The following SEPTIN7 variants were observed in gnomAD, a reference collection of about 807,000 sequenced individuals.
SEPTIN7 encodes septin-7.
In SEPTIN7, 10 loss-of-function variants were observed where a neutral mutation model predicts 63.3. That is an observed-to-expected ratio of 0.16 (90% confidence interval 0.10 to 0.27). The LOEUF is 0.27. Ranked by LOEUF, SEPTIN7 falls within the 10% of genes least tolerant of loss-of-function variation. The pLI is 1.00. For missense variants in SEPTIN7, 310 were observed against 521.0 expected, an observed-to-expected ratio of 0.59 and a Z score of 3.94; for synonymous variants, 131 against 165.3, an observed-to-expected ratio of 0.79 and a Z score of 1.59.
At chr7:35,876,661 C>T (rs1464694459) in intron 6 of SEPTIN7, among the ~76,000 whole-genome samples, 2 of 152,058 alleles carry the variant, frequency 1.3e-5, no homozygotes, top group East Asian at 3.9e-4. Context: ...GATCCCATCT[C>T]TACAAAAAAT....
chr7:35,827,484 C>T (rs1164362186), intron 1 of SEPTIN7, among the ~76,000 whole-genome samples: 1 of 151,906 alleles, frequency 6.6e-6, no homozygotes, highest in Non-Finnish European at 1.5e-5. Flanking sequence ...TTTAATCGAC[C>T]AGTATTAAAT....
chr7:35,875,893 G>A (rs1332414264), intron 6 of SEPTIN7, among the ~76,000 whole-genome samples: 2 of 152,188 alleles, frequency 1.3e-5, no homozygotes, highest in Non-Finnish European at 1.5e-5. Flanking sequence ...TTCTAGAAAC[G>A]ATAAAGGATT....
chr7:35,806,554 GA>G (rs1446985725), intron 1 of SEPTIN7, among the ~76,000 whole-genome samples: 3 of 152,010 alleles, frequency 2.0e-5, no homozygotes, highest in East Asian at 1.9e-4. Flanking sequence ...TGCTTTCATA[GA>G]AAAAAATACG....
At chr7:35,834,800 A>G (rs1784000312) in intron 3 of SEPTIN7, among the ~76,000 whole-genome samples, 1 of 152,110 alleles carries the variant, frequency 6.6e-6, no homozygotes, top group Non-Finnish European at 1.5e-5. Context: ...AAATCATAGA[A>G]AGCTGAAACC....
intron 1 of SEPTIN7, chr7:35,803,205 A>G: frequency 1.2e-6 from 1 of 826,402 alleles, no homozygotes; most frequent in Non-Finnish European, 1.5e-6. Context: ...AATACATGAA[A>G]GGTAGTGTTA....
At chr7:35,861,174 A>G (rs1287176961) in intron 3 of SEPTIN7, among the ~76,000 whole-genome samples, 1 of 151,960 alleles carries the variant, frequency 6.6e-6, no homozygotes, top group East Asian at 1.9e-4. Context: ...CTTTATTGAT[A>G]TTCTCATTTT....
chr7:35,833,404 C>G (rs1447728518), intron 3 of SEPTIN7, among the ~76,000 whole-genome samples: 3 of 151,980 alleles, frequency 2.0e-5, no homozygotes, highest in Non-Finnish European at 4.4e-5. Context: ...TTCTCTAATT[C>G]AGTCTGAGTT....
At position 35,848,905 on chromosome 7, in the gene SEPTIN7, G is replaced by T. The variant is rs148292744; in HGVS notation, c.170-14647G>T. On this transcript the variant is annotated intron_variant, in intron 3 of 13. Coordinates refer to ENST00000350320, the MANE Select transcript of SEPTIN7 (RefSeq NM_001788.6). The stretch of plus-strand genomic sequence containing the variant: ...GAAAGATCCTAACATACCTCTTAGC[G>T]CCTCCCAGCCTCAGACGTGTAGCAA... 6.6e-3 allele frequency among the ~76,000 whole-genome samples: 998 copies of T among 152,204 alleles called. 14 individuals carry two copies. The highest frequency in any genetic ancestry group is 0.023 in the African/African-American group (957 of 41,532).
intron 10 of SEPTIN7, among the ~76,000 whole-genome samples, chr7:35,886,926 T>C (rs1327042232): frequency 6.6e-6 from 1 of 152,180 alleles, no homozygotes; most frequent in Admixed American, 6.5e-5. Flanking sequence ...ATGTAATTGA[T>C]CTTTATTTTC....
intron 4 of SEPTIN7, among the ~76,000 whole-genome samples, chr7:35,870,211 A>G (rs542970895): frequency 6.6e-6 from 1 of 152,342 alleles, no homozygotes; most frequent in Non-Finnish European, 1.5e-5. Flanking sequence ...CTTTATAAAC[A>G]TTCCTTAAAG....
intron 1 of SEPTIN7, among the ~76,000 whole-genome samples, chr7:35,820,019 C>G (rs1315895675): frequency 6.6e-6 from 1 of 151,446 alleles, no homozygotes; most frequent in Non-Finnish European, 1.5e-5. Context: ...CACTCTCACT[C>G]AGGCTGGAGT....
chr7:35,822,053 G>T (rs191811495), intron 1 of SEPTIN7, among the ~76,000 whole-genome samples: 1 of 152,162 alleles, frequency 6.6e-6, no homozygotes, highest in East Asian at 1.9e-4. Flanking sequence ...GGGATTACAG[G>T]CGTGAGCCAC....
At chr7:35,853,481 C>G (rs1562550488) in intron 3 of SEPTIN7, among the ~76,000 whole-genome samples, 4 of 152,238 alleles carry the variant, frequency 2.6e-5, no homozygotes, top group Non-Finnish European at 5.9e-5. Flanking sequence ...GTTCCTTTCG[C>G]CTGCTCAGAG....
intron 9 of SEPTIN7, 27 bp from the exon 10 acceptor site, chr7:35,885,796 TATAAC>T: frequency 6.5e-7 from 1 of 1,549,374 alleles, no homozygotes; most frequent in Non-Finnish European, 8.9e-7. Context: ...TTAGTGGAAA[TATAAC>T]ATATGCGGTC....
At chr7:35,873,855 T>A in intron 6 of SEPTIN7, 80 bp downstream of exon 6, 2 of 1,374,154 alleles carry the variant, frequency 1.5e-6, no homozygotes, top group Non-Finnish European at 1.0e-6. Flanking sequence ...TAGTAATCTT[T>A]AAGTTTGTGA....
intron 4 of SEPTIN7, among the ~76,000 whole-genome samples, chr7:35,871,550 A>G (rs1786151199): frequency 6.6e-6 from 1 of 152,222 alleles, no homozygotes; most frequent in Non-Finnish European, 1.5e-5. Context: ...CAACAATTCC[A>G]TCATCTCAGA....
chr7:35,826,844 G>GGCATT (rs1434673421), intron 1 of SEPTIN7, among the ~76,000 whole-genome samples: 2 of 152,036 alleles, frequency 1.3e-5, no homozygotes, highest in Non-Finnish European at 2.9e-5. Flanking sequence ...AAATGGTAAT[G>GGCATT]GCATTTTAGA....
chr7:35,832,269 A>C (rs1323641504), intron 2 of SEPTIN7, among the ~76,000 whole-genome samples: 1 of 152,140 alleles, frequency 6.6e-6, no homozygotes, highest in Admixed American at 6.5e-5. Context: ...GCTGGTTGAC[A>C]CTGATCACAA....
At chr7:35,825,377 A>G (rs1166467839) in intron 1 of SEPTIN7, among the ~76,000 whole-genome samples, 1 of 152,180 alleles carries the variant, frequency 6.6e-6, no homozygotes, top group Non-Finnish European at 1.5e-5. Context: ...ATAAGGAACC[A>G]TACGCTCTTC....
Sources: gnomAD v4.1 joint callset for allele counts (sites outside exome capture counted in the v4.1 genomes callset) on GRCh38, gnomAD v4.1.1 for gene constraint, MANE v1.5 for transcripts, NCBI Gene and HGNC (gene_info 2026-07-23, HGNC 2026-07-21) for gene names.